ATRN: variants seen among roughly 807,000 people sequenced by gnomAD.
The protein encoded by ATRN is attractin-2.
In ATRN, 54 loss-of-function variants were observed where a neutral mutation model predicts 178.7. The ratio of observed to expected loss-of-function variants is 0.30; its 90% CI spans 0.24 to 0.38. The LOEUF is 0.38. ATRN is among the 10% of genes least tolerant of loss of function. ATRN has a pLI of 1.00. For synonymous variants in ATRN, 636 were observed against 663.0 expected, an observed-to-expected ratio of 0.96 and a Z score of 0.63; for missense variants, 1,443 against 1,815.1, an observed-to-expected ratio of 0.79 and a Z score of 3.73.
At chr20:3,504,702 TAATA>T (rs2085015804) in intron 1 of ATRN, among the ~76,000 whole-genome samples, 1 of 87,458 alleles carries the variant, frequency 1.1e-5, no homozygotes, top group African/African-American at 5.6e-5. Flanking sequence ...ATAATAATAA[TAATA>T]ATAATAATAA....
chr20:3,490,116 G>T, intron 1 of ATRN: 1 of 1,469,040 alleles, frequency 6.8e-7, no homozygotes, highest in Non-Finnish European at 9.5e-7. Context: ...GGGATTTTTG[G>T]CAAACAAAGA....
intron 5 of ATRN, among the ~76,000 whole-genome samples, chr20:3,548,437 T>TA (rs2085739389): frequency 6.6e-6 from 1 of 151,602 alleles, no homozygotes; most frequent in South Asian, 2.1e-4. Flanking sequence ...CTGTCTCTAC[T>TA]AAAAAATACA....
intron 6 of ATRN, among the ~76,000 whole-genome samples, chr20:3,555,259 T>C (rs1338119454): frequency 1.3e-5 from 2 of 151,932 alleles, no homozygotes; most frequent in Non-Finnish European, 2.9e-5. Context: ...CGCCTCGGCC[T>C]CCCAAAGTGC....
chr20:3,531,435 T>A (rs1257540809), intron 1 of ATRN, among the ~76,000 whole-genome samples: 1 of 152,176 alleles, frequency 6.6e-6, no homozygotes, highest in Non-Finnish European at 1.5e-5. Context: ...TAAGGCCATA[T>A]GTATAGGGAT....
intron 24 of ATRN, among the ~76,000 whole-genome samples, chr20:3,612,125 A>G (rs973432317): frequency 4.6e-5 from 7 of 152,226 alleles, no homozygotes; most frequent in Non-Finnish European, 1.0e-4. Context: ...ATTCCTCAAC[A>G]AATGAATGCT....
At chr20:3,599,262 A>G (rs1466321864) in intron 22 of ATRN, among the ~76,000 whole-genome samples, 2 of 152,324 alleles carry the variant, frequency 1.3e-5, no homozygotes, top group Non-Finnish European at 2.9e-5. Flanking sequence ...TATGAAATGT[A>G]TTCACTGCCT....
chr20:3,524,727 A>G (rs1453059887), intron 1 of ATRN, among the ~76,000 whole-genome samples: 1 of 152,260 alleles, frequency 6.6e-6, no homozygotes, highest in African/African-American at 2.4e-5. Context: ...ACCACAGTGC[A>G]ATCAAATTAG....
chr20:3,537,424 G>A (rs1449972367), intron 2 of ATRN, among the ~76,000 whole-genome samples: 2 of 151,376 alleles, frequency 1.3e-5, no homozygotes, highest in Non-Finnish European at 2.9e-5. Flanking sequence ...TTGCAAAAGT[G>A]GTTTTCATTG....
At chr20:3,607,425 C>T (rs1184253301) in intron 24 of ATRN, among the ~76,000 whole-genome samples, 1 of 152,208 alleles carries the variant, frequency 6.6e-6, no homozygotes, top group Non-Finnish European at 1.5e-5. Flanking sequence ...TGCACTCTAC[C>T]TCCATGAGAT....
intron 24 of ATRN, among the ~76,000 whole-genome samples, chr20:3,619,129 C>G (rs745626143): frequency 1.1e-4 from 16 of 152,202 alleles, no homozygotes; most frequent in Admixed American, 2.6e-4. Context: ...TTCTCGGAGC[C>G]TGACAGGTGC....
chr20:3,546,938 C>G (rs1344167728), intron 4 of ATRN, among the ~76,000 whole-genome samples: 1 of 152,212 alleles, frequency 6.6e-6, no homozygotes. Context: ...TAAAGCTCAT[C>G]ATTAGGAGGC....
intron 3 of ATRN, among the ~76,000 whole-genome samples, chr20:3,541,541 A>G (rs1666309053): frequency 6.6e-6 from 1 of 152,210 alleles, no homozygotes; most frequent in Non-Finnish European, 1.5e-5. Context: ...AGCCTATTGT[A>G]CCTAGGCCAC....
chr20:3,548,139 G>T (rs2085735116), intron 5 of ATRN, among the ~76,000 whole-genome samples: 1 of 152,138 alleles, frequency 6.6e-6, no homozygotes. Flanking sequence ...CCCAAGAATG[G>T]AGTCTGTTTC....
At chr20:3,581,912 G>A (rs2086287236) in intron 15 of ATRN, among the ~76,000 whole-genome samples, 1 of 152,098 alleles carries the variant, frequency 6.6e-6, no homozygotes, top group Admixed American at 6.6e-5. Context: ...TAACTTGGTG[G>A]TTTTTATCTA....
chr20:3,526,870 T>C (rs1568708118), intron 1 of ATRN, among the ~76,000 whole-genome samples: 1 of 152,202 alleles, frequency 6.6e-6, no homozygotes. Flanking sequence ...GAAAACTGGC[T>C]AGCCATATGC....
At chr20:3,587,640 G>A (rs902631908) in intron 18 of ATRN, among the ~76,000 whole-genome samples, 3 of 152,096 alleles carry the variant, frequency 2.0e-5, no homozygotes, top group Non-Finnish European at 4.4e-5. Flanking sequence ...CTTTGTATAA[G>A]TTTTAAAATT....
chr20:3,528,452 T>C (rs1337792288), intron 1 of ATRN, among the ~76,000 whole-genome samples: 1 of 152,016 alleles, frequency 6.6e-6, no homozygotes, highest in East Asian at 1.9e-4. Flanking sequence ...GCAGCATGGA[T>C]GCAGGGAGGC....
At chr20:3,624,481 A>G in intron 24 of ATRN, 30 bp from the exon 25 acceptor site, 2 of 1,584,782 alleles carry the variant, frequency 1.3e-6, no homozygotes, top group Non-Finnish European at 1.7e-6. Flanking sequence ...CATGACCTGC[A>G]TAATCACACT....
At chr20:3,489,753 T>G in intron 1 of ATRN, 1 of 1,492,846 alleles carries the variant, frequency 6.7e-7, no homozygotes, top group Non-Finnish European at 9.3e-7. Flanking sequence ...ATGATGCTAT[T>G]CAGCAAAGTG....
Sources: gnomAD v4.1 joint callset for allele counts (sites outside exome capture counted in the v4.1 genomes callset) on GRCh38, gnomAD v4.1.1 for gene constraint, MANE v1.5 for transcripts, NCBI Gene and HGNC (gene_info 2026-07-23, HGNC 2026-07-21) for gene names.